The following BCAR3 variants were observed in gnomAD, a reference collection of about 807,000 sequenced individuals.
The protein encoded by BCAR3 is breast cancer anti-estrogen resistance protein 3.
BCAR3 carries 37 observed loss-of-function variants against 80.1 expected under a neutral mutation model. The ratio of observed to expected loss-of-function variants is 0.46; its 90% CI spans 0.36 to 0.61. The LOEUF is 0.61. BCAR3 is among the 20% of genes least tolerant of loss of function. BCAR3 has a pLI of 0.00. For missense variants in BCAR3, 978 were observed against 1,068.2 expected (o/e 0.92, Z 1.18); for synonymous variants, 389 against 418.9 (o/e 0.93, Z 0.87).
intron 2 of BCAR3, among the ~76,000 whole-genome samples, chr1:93,764,819 A>G (rs1652085076): frequency 6.6e-6 from 1 of 152,104 alleles, no homozygotes; most frequent in African/African-American, 2.4e-5. Context: ...GGCTCTGTAT[A>G]TGCCCCTGAT....
chr1:93,724,323 T>C (rs554493742), intron 2 of BCAR3, among the ~76,000 whole-genome samples: 2 of 152,340 alleles, frequency 1.3e-5, no homozygotes, highest in African/African-American at 4.8e-5. Flanking sequence ...TCCGAAAGGC[T>C]GCGTCCATTA....
chr1:93,733,717 G>A (rs948229013), intron 2 of BCAR3, among the ~76,000 whole-genome samples: 5 of 152,218 alleles, frequency 3.3e-5, no homozygotes, highest in Non-Finnish European at 7.3e-5. Context: ...GAACATATGT[G>A]TGCACACATG....
chr1:93,590,932 T>C (rs1674148590), intron 4 of BCAR3, among the ~76,000 whole-genome samples: 1 of 152,022 alleles, frequency 6.6e-6, no homozygotes, highest in South Asian at 2.1e-4. Context: ...TAGAATGGGC[T>C]ACCAAAAAAG....
chr1:93,627,278 T>A (rs1675479947), intron 3 of BCAR3, among the ~76,000 whole-genome samples: 1 of 152,212 alleles, frequency 6.6e-6, no homozygotes, highest in Non-Finnish European at 1.5e-5. Context: ...GGGTAAAAGA[T>A]CCATTCAAAT....
At chr1:93,672,670 G>A (rs1353850622) in intron 2 of BCAR3, among the ~76,000 whole-genome samples, 1 of 152,162 alleles carries the variant, frequency 6.6e-6, no homozygotes. Context: ...TTCCAGCAGT[G>A]GCTGCCTGCC....
intron 2 of BCAR3, among the ~76,000 whole-genome samples, chr1:93,763,343 C>T (rs533654355): frequency 1.3e-5 from 2 of 152,192 alleles, no homozygotes; most frequent in African/African-American, 2.4e-5. Flanking sequence ...GGATTATAGA[C>T]ATGAGCATTG....
intron 2 of BCAR3, among the ~76,000 whole-genome samples, chr1:93,721,775 T>C (rs1386135144): frequency 6.6e-6 from 1 of 152,186 alleles, no homozygotes; most frequent in South Asian, 2.1e-4. Flanking sequence ...TGAGAGGCCA[T>C]GTGACAAAGT....
At chr1:93,703,539 C>T (rs1379159477) in intron 3 of BCAR3, among the ~76,000 whole-genome samples, 5 of 148,374 alleles carry the variant, frequency 3.4e-5, no homozygotes, top group African/African-American at 1.3e-4. Context: ...CACACTCCAG[C>T]CTGTGACAGA....
intron 3 of BCAR3, among the ~76,000 whole-genome samples, chr1:93,634,997 G>A (rs1254142813): frequency 6.6e-6 from 1 of 152,186 alleles, no homozygotes; most frequent in African/African-American, 2.4e-5. Context: ...ACTTTGGGAG[G>A]CCAAGGCAGG....
intron 3 of BCAR3, among the ~76,000 whole-genome samples, chr1:93,624,159 T>C (rs1450946345): frequency 1.3e-5 from 2 of 152,188 alleles, no homozygotes; most frequent in Non-Finnish European, 2.9e-5. Context: ...ACAAACTGCA[T>C]TCTCAGCCCT....
In BCAR3 at chr1:93,582,583, G is replaced by C; in HGVS notation, c.1404C>G (p.Pro468=). The C allele has an allele frequency of 6.2e-7, 1 of 1,613,542 alleles. No individual in the cohort carries two copies. The highest frequency in any genetic ancestry group is 1.1e-5 in the South Asian group (1 of 91,018). Residue 468 remains proline, a synonymous_variant, in exon 7 of 12, where the codon CCC becomes CCG. Coordinates refer to ENST00000260502, the MANE Select transcript of BCAR3 (RefSeq NM_003567.4). The stretch of plus-strand genomic sequence containing the variant: ...TCAAGTAGTTGACGCCAGAGTTCCG[G>C]GGACCTGGCGCCTCATTCTGCTTGG... ...LTAKQNEAPG[P]RNSGVNYLIL...
chr1:93,588,698 A>C, intron 5 of BCAR3, among the ~76,000 whole-genome samples: 1 of 148,388 alleles, frequency 6.7e-6, no homozygotes, highest in African/African-American at 2.5e-5. Context: ...CATCTATCCA[A>C]ATTTCCCCCA....
At chr1:93,779,472 A>G (rs1167417722) in intron 2 of BCAR3, among the ~76,000 whole-genome samples, 2 of 152,224 alleles carry the variant, frequency 1.3e-5, no homozygotes, top group African/African-American at 2.4e-5. Flanking sequence ...AGTAAAATGA[A>G]GAAAAATAAA....
At chr1:93,780,482 G>A (rs367551331) in intron 2 of BCAR3, among the ~76,000 whole-genome samples, 26 of 151,586 alleles carry the variant, frequency 1.7e-4, no homozygotes, top group African/African-American at 6.3e-4. Context: ...CTCTACTCTG[G>A]CCACCCAAAG....
chr1:93,654,474 G>A (rs913002284), intron 2 of BCAR3, among the ~76,000 whole-genome samples: 1 of 152,130 alleles, frequency 6.6e-6, no homozygotes, highest in African/African-American at 2.4e-5. Context: ...GAGTGTGGGA[G>A]CAGATTCTTC....
intron 3 of BCAR3, among the ~76,000 whole-genome samples, chr1:93,622,970 A>G (rs1675358778): frequency 6.6e-6 from 1 of 152,014 alleles, no homozygotes; most frequent in Non-Finnish European, 1.5e-5. Flanking sequence ...GAACACCAGG[A>G]CTCCCGGTTG....
chr1:93,706,009 G>A (rs1349753742), intron 3 of BCAR3: 2 of 152,198 alleles, frequency 1.3e-5, no homozygotes, highest in Non-Finnish European at 2.9e-5. Context: ...TTGTAGGCTG[G>A]ATCAACACCA....
chr1:93,567,354 T>C lies in BCAR3; in HGVS notation c.2224A>G (p.Asn742Asp), dbSNP rs768794679. The change falls in exon 11 of 12, where the codon AAC (asparagine) becomes GAC (aspartate). Residue 742 changes from asparagine (N) to aspartate (D), a missense_variant. Physicochemically the swap from Asn to Asp is conservative, Grantham distance 23 (BLOSUM62 1). Transcript: ENST00000260502. ...ATGAATCGCGCTGTTGCCAAATGGTTCAGCATGATTTCACAGCTCTGGTCG... is the reference window on the plus strand; with the variant it reads ...ATGAATCGCGCTGTTGCCAAATGGTCCAGCATGATTTCACAGCTCTGGTCG... The part of the protein sequence containing the change: ...KNDQSCEIML[N>D]HLATARFMAE... 6 of 1,614,092 alleles carry C rather than the reference T, an allele frequency of 3.7e-6. No individual in the cohort carries two copies. The highest frequency in any genetic ancestry group is 8.5e-7 in the Non-Finnish European group (1 of 1,180,042).
At chr1:93,664,140 C>T (rs1380130933) in intron 2 of BCAR3, among the ~76,000 whole-genome samples, 7 of 152,122 alleles carry the variant, frequency 4.6e-5, no homozygotes, top group African/African-American at 7.2e-5. Context: ...TACTTTGAGA[C>T]GGAGTTTTGC....
Sources: allele counts gnomAD v4.1 joint callset (sites outside exome capture counted in the v4.1 genomes callset), GRCh38; gene constraint gnomAD v4.1.1; transcripts MANE v1.5; gene names NCBI Gene and HGNC (gene_info 2026-07-23, HGNC 2026-07-21).